PIK3C2B: variants seen among roughly 807,000 people sequenced by gnomAD.
PIK3C2B encodes the protein phosphatidylinositol 4-phosphate 3-kinase C2 domain-containing subunit beta.
Under a neutral mutation model 184.3 loss-of-function variants are expected in PIK3C2B, and 83 were observed. That is an observed-to-expected ratio of 0.45 (90% CI 0.38 to 0.54). PIK3C2B has a LOEUF of 0.54. PIK3C2B is among the 20% of genes least tolerant of loss of function. The pLI is 0.00. For synonymous variants in PIK3C2B, 779 were observed against 837.6 expected (o/e 0.93, Z 1.21); for missense variants, 1,736 against 2,113.5 (o/e 0.82, Z 3.50).
chr1:204,459,243 TGG>T (rs1655124166), intron 8 of PIK3C2B, among the ~76,000 whole-genome samples: 1 of 152,140 alleles, frequency 6.6e-6, no homozygotes, highest in Non-Finnish European at 1.5e-5. Flanking sequence ...CCTTGAACTT[TGG>T]GGTTCAAGCA....
In PIK3C2B at chr1:204,433,367, T is replaced by A; in HGVS notation, c.3902A>T (p.Asp1301Val). 1 of 1,612,728 alleles carries A rather than the reference T, an allele frequency of 6.2e-7. No homozygotes were observed. The highest frequency in any genetic ancestry group is 8.5e-7 in the Non-Finnish European group (1 of 1,178,664). ...CTCTGTATCCTGAGGCCTCAGGGCA[T>A]CGTACACATACTTGAGGTCCTCCAG... ...SDLEDLKYVYDALRPQDTEAN... is the reference protein window; with the variant it reads ...SDLEDLKYVYVALRPQDTEAN... The change falls in exon 26 of 33, where the codon GAT becomes GTT. Residue 1301 changes from aspartate (D) to valine (V), a missense_variant. Asp to Val is a radical substitution (Grantham distance 152). This residue lies in a region of PIK3C2B where 119 missense variants were observed against 179.3 expected (regional missense o/e 0.66). Coordinates refer to ENST00000684373, the MANE Select transcript of PIK3C2B (RefSeq NM_001377334.1). The surrounding 1 kb of genome is among the most constrained non-coding windows in gnomAD (Gnocchi z 5.0).
At chr1:204,470,581 C>T (rs925522643) in intron 1 of PIK3C2B, among the ~76,000 whole-genome samples, 1 of 152,252 alleles carries the variant, frequency 6.6e-6, no homozygotes, top group Non-Finnish European at 1.5e-5. Context: ...GGTACAACCA[C>T]TTTGGAAAAC....
At chr1:204,462,659 C>T (rs1043880467) in intron 5 of PIK3C2B, among the ~76,000 whole-genome samples, 4 of 152,186 alleles carry the variant, frequency 2.6e-5, no homozygotes, top group Admixed American at 6.5e-5. Flanking sequence ...GAAGGGTACC[C>T]TGGAGTTGTA....
rs1427140256 is a variant in PIK3C2B at position 204,441,534 on chromosome 1, G to C, written c.3186C>G (p.Val1062=). The C allele has an allele frequency of 1.2e-6, 2 of 1,612,940 alleles. No homozygotes were observed. The highest frequency in any genetic ancestry group is 1.7e-6 in the Non-Finnish European group (2 of 1,178,934). The change falls in exon 21 of 33, where the codon GTC becomes GTG. Residue 1062 remains valine, a synonymous_variant. Transcript: ENST00000684373. ...RDCSYFNSNA[V]PLKLSFQNVD... ...CATTTTGGAAGGAGAGTTTGAGGGG[G>C]ACAGCATTGGAGTTGAAGTAGGAAC...
At chr1:204,450,089 CAGGCTG>C (rs61762615) in intron 12 of PIK3C2B, 72 bp from the exon 13 acceptor site, 26 of 1,295,996 alleles carry the variant, frequency 2.0e-5, no homozygotes, top group African/African-American at 1.9e-4. Flanking sequence ...CCCAGGAAGT[CAGGCTG>C]AGGCTGAGGC....
At chr1:204,456,904 A>ACACC (rs553783892) in intron 10 of PIK3C2B, 133 bp downstream of exon 10, 5 of 207,954 alleles carry the variant, frequency 2.4e-5, no homozygotes, top group South Asian at 1.3e-4. Context: ...ACACACACAC[A>ACACC]CACCCACACA....
Position 204,428,129 on chromosome 1 carries a change from G to A in PIK3C2B, c.4480+10C>T. Reference sequence around the variant, plus strand: ...GAGTTGGCAGTAAGGTCTCAGAGAAGATACTGTACCTGAGGACTTAGGAGC... The same window carrying A: ...GAGTTGGCAGTAAGGTCTCAGAGAAAATACTGTACCTGAGGACTTAGGAGC... On this transcript the variant is annotated intron_variant, in intron 30 of 32. Transcript: ENST00000684373. 6.4e-7 allele frequency: 1 copy of A among 1,558,220 alleles called. No homozygotes were observed. Among genetic ancestry groups the A allele is most frequent in the Non-Finnish European group, 8.9e-7 (1 of 1,129,606 alleles).
intron 20 of PIK3C2B, among the ~76,000 whole-genome samples, chr1:204,442,173 TA>T (rs754858554): frequency 3.9e-5 from 6 of 152,216 alleles, no homozygotes; most frequent in Admixed American, 6.5e-5. Context: ...CCTTTCTTCC[TA>T]ATCTCTCTCT....
intron 20 of PIK3C2B, among the ~76,000 whole-genome samples, chr1:204,441,836 AC>A (rs1675679396): frequency 6.6e-6 from 1 of 151,714 alleles, no homozygotes; most frequent in Non-Finnish European, 1.5e-5. Context: ...TAGTTGTGTG[AC>A]CTCTGGTAAG....
At chr1:204,436,128 GC>G (rs1675329069) in intron 23 of PIK3C2B, among the ~76,000 whole-genome samples, 1 of 152,250 alleles carries the variant, frequency 6.6e-6, no homozygotes, top group South Asian at 2.1e-4. Flanking sequence ...GGGACACTCT[GC>G]CTCTGATTTC....
Position 204,433,301 on chromosome 1 carries a change from A to T in PIK3C2B, c.3953+15T>A. 7.3e-7 allele frequency: 1 copy of T among 1,375,724 alleles called. No individual in the cohort carries two copies. The highest frequency in any genetic ancestry group is 1.0e-6 in the Non-Finnish European group (1 of 963,618). 85.2% of individuals were successfully genotyped at this position (1,375,724 alleles called of 1,614,324 possible). A position where few individuals can be genotyped will look rare whatever the true frequency, so the allele number is the denominator to read the frequency against. ...CAGGGTGGGCAGTGCTGATTCGCTC[A>T]GGGAATCATTTTACCTAGTGAAGTA... On this transcript the variant is annotated intron_variant, in intron 26 of 32. Coordinates refer to ENST00000684373, the MANE Select transcript of PIK3C2B (RefSeq NM_001377334.1). The surrounding 1 kb of genome is among the most constrained non-coding windows in gnomAD (Gnocchi z 5.0).
rs769953031 is a variant in PIK3C2B, at chr1:204,432,340, C to T, written c.4015G>A (p.Ala1339Thr). Residue 1339 changes from alanine to threonine, a missense_variant, in exon 27 of 33, where the codon GCT becomes ACT. Coordinates refer to ENST00000684373, the MANE Select transcript of PIK3C2B (RefSeq NM_001377334.1). ...TCTGAGCCCGTGAACTTCATCTGAG[C>T]CAGATTATGGATGAAAAAATTGAGC... is the stretch of plus-strand genomic sequence containing the variant. ...TKLNFFIHNL[A>T]QMKFTGSDDR... 1 of 1,614,052 alleles carries T rather than the reference C, an allele frequency of 6.2e-7. No homozygotes were observed. Among genetic ancestry groups the T allele is most frequent in the South Asian group, 1.1e-5 (1 of 91,084 alleles).
Position 204,469,469 on chromosome 1 carries a change from G to A in PIK3C2B, c.334C>T (p.Gln112Ter). ...TTGGGCCAGGGATCTGAGCCAGGCTGTGGCCCTTGGGAGGTAGAGTGGTTG... is the reference window on the plus strand; with the variant it reads ...TTGGGCCAGGGATCTGAGCCAGGCTATGGCCCTTGGGAGGTAGAGTGGTTG... ...PPNHSTSQGP[Q>*]PGSDPWPKGS... Residue 112 changes from glutamine (Q) to a stop codon, truncating the protein, a stop_gained, in exon 2 of 33, where the codon CAG (glutamine) becomes TAG (stop). Coordinates refer to ENST00000684373, the MANE Select transcript of PIK3C2B (RefSeq NM_001377334.1). LOFTEE classifies it high-confidence loss of function. The A allele has an allele frequency of 6.2e-7, 1 of 1,602,176 alleles. No individual in the cohort carries two copies. Among genetic ancestry groups the A allele is most frequent in the East Asian group, 2.2e-5 (1 of 44,858 alleles).
At chr1:204,481,754 G>A (rs994301852) in intron 1 of PIK3C2B, among the ~76,000 whole-genome samples, 1 of 152,186 alleles carries the variant, frequency 6.6e-6, no homozygotes, top group South Asian at 2.1e-4. Context: ...AGCTTCACAA[G>A]AGCCCTCTCC....
chr1:204,477,639 G>A (rs1416471104), intron 1 of PIK3C2B, among the ~76,000 whole-genome samples: 1 of 152,184 alleles, frequency 6.6e-6, no homozygotes, highest in Non-Finnish European at 1.5e-5. Flanking sequence ...GGAGCCCAGG[G>A]GCCACCACTG....
In PIK3C2B at chr1:204,433,709, A is replaced by G; in HGVS notation, c.3843+84T>C. 7.5e-7 allele frequency: 1 copy of G among 1,337,508 alleles called. No homozygotes were observed. The highest frequency in any genetic ancestry group is 1.8e-5 in the Admixed American group (1 of 56,544). The allele number at this position is 1,337,508 out of a possible 1,614,324, so 82.9% of individuals were successfully genotyped here. On this transcript the variant is annotated intron_variant, in intron 25 of 32. Transcript: ENST00000684373. The surrounding 1 kb of genome is among the most constrained non-coding windows in gnomAD (Gnocchi z 5.0). ...GGCTCAGAGAGGTAAATCTCTAGAAATCCTCTGCGGCAAGACAGGGAAGTC... is the reference window on the plus strand; with the variant it reads ...GGCTCAGAGAGGTAAATCTCTAGAAGTCCTCTGCGGCAAGACAGGGAAGTC...
intron 1 of PIK3C2B, among the ~76,000 whole-genome samples, chr1:204,483,937 G>A (rs1657389414): frequency 6.6e-6 from 1 of 152,200 alleles, no homozygotes; most frequent in Admixed American, 6.5e-5. Context: ...AGCTGGATGA[G>A]CGACCAGGGT....
intron 1 of PIK3C2B, among the ~76,000 whole-genome samples, chr1:204,476,113 C>T (rs774215929): frequency 6.6e-6 from 1 of 152,194 alleles, no homozygotes; most frequent in Non-Finnish European, 1.5e-5. Flanking sequence ...CCAGTCCCAG[C>T]GACCTTGAAA....
At chr1:204,485,191 G>A (rs1210527986) in intron 1 of PIK3C2B, among the ~76,000 whole-genome samples, 1 of 152,082 alleles carries the variant, frequency 6.6e-6, no homozygotes, top group Non-Finnish European at 1.5e-5. Flanking sequence ...TGGAATTACA[G>A]GGGTAAGCCA....
Sources: gnomAD v4.1 joint callset for allele counts (sites outside exome capture counted in the v4.1 genomes callset) on GRCh38, gnomAD v4.1.1 for gene constraint, gnomAD v4.1.1 regional missense constraint, Gnocchi (gnomAD v3.1) non-coding constraint, MANE v1.5 for transcripts, NCBI Gene and HGNC (gene_info 2026-07-23, HGNC 2026-07-21) for gene names.